The following COL6A5 variants were observed in gnomAD, a reference collection of about 807,000 sequenced individuals.
The protein encoded by COL6A5 is collagen alpha-5(VI) chain.
A neutral mutation model predicts 65.6 loss-of-function variants in COL6A5; 48 were observed. That is an observed-to-expected ratio of 0.73 (90% confidence interval 0.58 to 0.93). The LOEUF (loss-of-function observed/expected upper bound fraction) is 0.93. Among genes scored for constraint, COL6A5 ranks in the 40% least tolerant of loss-of-function variants. The pLI is 0.00. For missense variants in COL6A5, 914 were observed against 928.3 expected, an observed-to-expected ratio of 0.98 and a Z score of 0.20; for synonymous variants, 291 against 322.8, an observed-to-expected ratio of 0.90 and a Z score of 1.05.
intron 29 of COL6A5, 72 bp downstream of exon 29, chr3:130,423,972 T>C (rs1937560211): frequency 8.6e-7 from 1 of 1,156,474 alleles, no homozygotes; most frequent in Non-Finnish European, 1.2e-6. Context: ...GCACAGAATT[T>C]AAAGTCAAAT....
At chr3:130,462,083 G>A (rs1288907878) in intron 5 of COL6A5, among the ~76,000 whole-genome samples, 1 of 152,002 alleles carries the variant, frequency 6.6e-6, no homozygotes, top group Non-Finnish European at 1.5e-5. Context: ...GGTAGATGAG[G>A]GAAGAGGACT....
chr3:130,381,668 A>G (rs148255836), intron 4 of COL6A5, among the ~76,000 whole-genome samples: 2 of 152,064 alleles, frequency 1.3e-5, no homozygotes, highest in African/African-American at 2.4e-5. Flanking sequence ...TGCTGTCCTC[A>G]CACATTTTCT....
At chr3:130,472,534 G>A (rs1049816744) in intron 7 of COL6A5, among the ~76,000 whole-genome samples, 2 of 151,954 alleles carry the variant, frequency 1.3e-5, no homozygotes, top group African/African-American at 2.4e-5. Flanking sequence ...CTGTGTCCCA[G>A]AGTCATGTGG....
At chr3:130,387,733 C>T (rs1936245230) in intron 5 of COL6A5, among the ~76,000 whole-genome samples, 1 of 151,740 alleles carries the variant, frequency 6.6e-6, no homozygotes, top group Non-Finnish European at 1.5e-5. Context: ...AAGAGGATGG[C>T]AGAGATTACA....
At position 130,405,977 on chromosome 3, in the gene COL6A5, A is replaced by G. The variant is rs1295654616; in HGVS notation, c.4354-16A>G. 1.7e-5 allele frequency: 26 copies of G among 1,550,906 alleles called. No homozygotes were observed. The highest frequency in any genetic ancestry group is 2.3e-5 in the Non-Finnish European group (26 of 1,146,424). On this transcript the variant is annotated splice_polypyrimidine_tract_variant and intron_variant and NMD_transcript_variant, in intron 14 of 41. Coordinates refer to the COL6A5 transcript ENST00000312481. ...TGTCTTTGATTTGTCAGTGAGAGAT[A>G]TTTCATCTTTTGCAGGGACTCAAAG... is the stretch of plus-strand genomic sequence containing the variant.
intron 7 of COL6A5, among the ~76,000 whole-genome samples, chr3:130,472,832 C>CACACATAT (rs1553760928): frequency 4.0e-5 from 4 of 99,404 alleles, no homozygotes; most frequent in African/African-American, 1.6e-4. Context: ...TGTGTGTATA[C>CACACATAT]ATATATATAT....
chr3:130,397,669 T>G, exon 9 of COL6A5: 1 of 1,551,738 alleles, frequency 6.4e-7, no homozygotes, highest in South Asian at 1.2e-5. Context: ...CCAGCTGGAA[T>G]CCTACCTCCC....
chr3:130,351,249 A>T (rs1030900906), intron 1 of COL6A5, among the ~76,000 whole-genome samples: 2 of 152,230 alleles, frequency 1.3e-5, no homozygotes, highest in Non-Finnish European at 2.9e-5. Context: ...GGACATAGGC[A>T]TGGGCAAGGA....
intron 13 of COL6A5, among the ~76,000 whole-genome samples, chr3:130,404,347 C>G (rs1469301162): frequency 6.6e-6 from 1 of 152,184 alleles, no homozygotes; most frequent in Non-Finnish European, 1.5e-5. Context: ...CACCTTAGAT[C>G]AAGTCCAGTT....
intron 7 of COL6A5, among the ~76,000 whole-genome samples, chr3:130,472,832 C>CATATATATATATATAT (rs10654631): frequency 0.045 from 4,439 of 98,820 alleles, 183 homozygotes; most frequent in East Asian, 0.095. Context: ...TGTGTGTATA[C>CATATATATATATATAT]ATATATATAT....
At chr3:130,406,676 GAA>G (rs1193952987) in intron 17 of COL6A5, among the ~76,000 whole-genome samples, 1 of 146,260 alleles carries the variant, frequency 6.8e-6, no homozygotes. Flanking sequence ...TATTATGTCA[GAA>G]AAAAAAAAGC....
Position 130,471,932 on chromosome 3 carries a change from CGT to C in COL6A5, c.2328+967_2328+968del. ...TAAACAGCAAGAAAAAGAAGGTAATCGTGAGTACCATAGAGCTGAAGACCCTC... is the reference window on the plus strand; with the variant it reads ...TAAACAGCAAGAAAAAGAAGGTAATCGAGTACCATAGAGCTGAAGACCCTC... On this transcript the variant is annotated intron_variant, in intron 7 of 7. Coordinates refer to ENST00000512836, the Ensembl canonical transcript of COL6A5. 6.5e-7 allele frequency: 1 copy of C among 1,533,990 alleles called. No individual in the cohort carries two copies. Among genetic ancestry groups the C allele is most frequent in the Non-Finnish European group, 8.7e-7 (1 of 1,145,656 alleles).
At chr3:130,459,243 C>T (rs764084040) in intron 5 of COL6A5, among the ~76,000 whole-genome samples, 2 of 152,076 alleles carry the variant, frequency 1.3e-5, no homozygotes, top group Non-Finnish European at 2.9e-5. Context: ...AGCCTTCAGA[C>T]TAAGCTGGAG....
chr3:130,467,676 G>C (rs1364439120), intron 5 of COL6A5, among the ~76,000 whole-genome samples: 2 of 152,040 alleles, frequency 1.3e-5, no homozygotes, highest in Admixed American at 6.6e-5. Flanking sequence ...GCATTTCACT[G>C]TTAATAACTT....
At chr3:130,370,837 AT>A (rs1935526677) in intron 1 of COL6A5, among the ~76,000 whole-genome samples, 1 of 152,158 alleles carries the variant, frequency 6.6e-6, no homozygotes, top group African/African-American at 2.4e-5. Flanking sequence ...TATTGCTACT[AT>A]TTTGGAGCCA....
intron 4 of COL6A5, among the ~76,000 whole-genome samples, chr3:130,446,571 TGATTTAAAC>T (rs1400234227): frequency 6.6e-6 from 1 of 152,164 alleles, no homozygotes; most frequent in Non-Finnish European, 1.5e-5. Context: ...CAGGGAGGAC[TGATTTAAAC>T]CCATTGTGAT....
chr3:130,420,038 T>C (rs1453204003), intron 25 of COL6A5, among the ~76,000 whole-genome samples: 1 of 152,080 alleles, frequency 6.6e-6, no homozygotes, highest in Admixed American at 6.6e-5. Context: ...TTCATTGCAT[T>C]TTCTATCCAT....
intron 6 of COL6A5, among the ~76,000 whole-genome samples, chr3:130,390,610 C>T (rs1936362337): frequency 1.3e-5 from 2 of 152,126 alleles, no homozygotes; most frequent in African/African-American, 4.8e-5. Context: ...CTTGGGGCCA[C>T]TTCTTTCTGA....
chr3:130,457,239 T>G (rs1412792746), intron 5 of COL6A5, among the ~76,000 whole-genome samples: 1 of 151,608 alleles, frequency 6.6e-6, no homozygotes, highest in African/African-American at 2.4e-5. Flanking sequence ...GAAGAAGAGG[T>G]GTTTTGGTAG....
Sources: gnomAD v4.1 joint callset for allele counts (sites outside exome capture counted in the v4.1 genomes callset) on GRCh38, gnomAD v4.1.1 for gene constraint, MANE v1.5 for transcripts, NCBI Gene and HGNC (gene_info 2026-07-23, HGNC 2026-07-21) for gene names.